CHD5: variants seen among roughly 807,000 people sequenced by gnomAD.
CHD5 encodes chromodomain helicase DNA binding protein 5, also known as ATP-dependent chromatin remodeler CHD5.
CHD5 carries 69 observed loss-of-function variants against 230.3 expected under a neutral mutation model. The observed-to-expected ratio is 0.30, with a 90% CI of 0.25 to 0.37. CHD5 has a LOEUF of 0.37. CHD5 is among the 10% of genes least tolerant of loss of function. The probability of loss-of-function intolerance (pLI) is 1.00; values close to 1 mark genes in which losing one functional copy is unlikely to be tolerated. For synonymous variants in CHD5, 1,064 were observed against 1,065.9 expected, an observed-to-expected ratio of 1.00 and a Z score of 0.03; for missense variants, 1,827 against 2,622.8, an observed-to-expected ratio of 0.70 and a Z score of 6.63.
chr1:6,139,635 C>G (rs184962039), intron 15 of CHD5, among the ~76,000 whole-genome samples: 52 of 151,974 alleles, frequency 3.4e-4, no homozygotes, highest in African/African-American at 1.3e-3. Context: ...ACTACAGCCT[C>G]GAACTCCTGG....
chr1:6,120,778 C>T (rs1168196798), intron 33 of CHD5, among the ~76,000 whole-genome samples: 2 of 152,152 alleles, frequency 1.3e-5, no homozygotes, highest in South Asian at 2.1e-4. Context: ...TGGTACACGC[C>T]TGTAGTCCCA....
At position 6,124,601 on chromosome 1, in the gene CHD5, G is replaced by C. The variant is rs759851675; in HGVS notation, c.4455C>G (p.Thr1485=). ...LCEPGADGAE[T]FADGVPREGL... is the part of the protein sequence containing the mutation. ...CCTCCCGGGGCACGCCGTCTGCGAA[G>C]GTCTCTGCACCATCCGCCCCCGGCT... Residue 1485 remains threonine, a synonymous_variant, in exon 30 of 42, where the codon ACC becomes ACG. Coordinates refer to ENST00000262450, the MANE Select transcript of CHD5 (RefSeq NM_015557.3). 15 of 1,607,184 alleles carry C rather than the reference G, an allele frequency of 9.3e-6. No individual in the cohort carries two copies. The highest frequency in any genetic ancestry group is 1.3e-5 in the Non-Finnish European group (15 of 1,177,510).
Position 6,103,594 on chromosome 1 carries a change from G to T in CHD5, c.*1880C>A, listed in dbSNP as rs1363722708. 1 of 152,336 alleles carries T rather than the reference G, an allele frequency of 6.6e-6. No homozygotes were observed. The highest frequency in any genetic ancestry group is 1.5e-5 in the Non-Finnish European group (1 of 68,120). 9.4% of individuals were successfully genotyped at this position (152,336 alleles called of 1,614,324 possible). A position where few individuals can be genotyped will look rare whatever the true frequency, so the allele number is the denominator to read the frequency against. On this transcript the variant is annotated 3_prime_UTR_variant, in exon 42 of 42. Transcript: ENST00000262450. ...GCACGGGAGTGAGCTTCTGACCCGA[G>T]CCAGGACCCTTTGCCAGGAGGCACC...
At position 6,152,601 on chromosome 1, in the gene CHD5, C is replaced by A. The variant is rs1260136029; in HGVS notation, c.746-65G>T. ...CTGACGGCCTGCTTCCTGCCATCAT[C>A]TCACTGAGCTCTCGGTTACCCAATA... is the stretch of plus-strand genomic sequence containing the variant. On this transcript the variant is annotated intron_variant, in intron 5 of 41. Transcript: ENST00000262450. 3.7e-6 allele frequency: 6 copies of A among 1,606,532 alleles called. No individual in the cohort carries two copies. In the African/African-American group the frequency reaches 8.0e-5, roughly 21 times the overall value.
intron 15 of CHD5, 52 bp from the exon 16 acceptor site, chr1:6,136,917 A>G: frequency 6.5e-7 from 1 of 1,545,136 alleles, no homozygotes; most frequent in African/African-American, 1.4e-5. Context: ...AGAGCGGATC[A>G]CAGTCCCAGG....
rs192526782 is a variant in CHD5, at chr1:6,175,683, T to C, written c.79+4262A>G. ...AGTGGATAAGAAGAACAAGAACAAA[T>C]GGATGGATGGATGGATGGATGGATG... On this transcript the variant is annotated intron_variant, in intron 1 of 41. Coordinates refer to ENST00000262450, the MANE Select transcript of CHD5 (RefSeq NM_015557.3). 1.2e-4 allele frequency among the ~76,000 whole-genome samples: 17 copies of C among 146,666 alleles called. No homozygotes were observed. The East Asian group carries it at 3.3e-3, about 28-fold the overall frequency.
In CHD5 at chr1:6,143,848, T is replaced by A. The variant is rs775863580; in HGVS notation, c.2018A>T (p.Lys673Met). ...GTCCACAATGGGCGTGTCCGGCGGC[T>A]TCTCCTGCTTGTCGTCCCTCAGCTT... ...GKKLRDDKQE[K>M]PPDTPIVDPT... Residue 673 changes from lysine (K) to methionine (M), a missense_variant, in exon 13 of 42, where the codon AAG becomes ATG. Physicochemically the swap from Lys to Met is moderately conservative, Grantham distance 95. Transcript: ENST00000262450. 8.9e-6 allele frequency: 14 copies of A among 1,576,432 alleles called. No individual in the cohort carries two copies. The highest frequency in any genetic ancestry group is 1.2e-5 in the Non-Finnish European group (14 of 1,159,840).
intron 3 of CHD5, among the ~76,000 whole-genome samples, chr1:6,156,501 A>G (rs1485802188): frequency 7.0e-6 from 1 of 142,730 alleles, no homozygotes; most frequent in Non-Finnish European, 1.5e-5. Context: ...GCGCCACTGC[A>G]CTCCAGCCTG....
At position 6,155,469 on chromosome 1, in the gene CHD5, G is replaced by A; in HGVS notation, c.506+130C>T. 1 of 721,242 alleles carries A rather than the reference G, an allele frequency of 1.4e-6. No homozygotes were observed. The highest frequency in any genetic ancestry group is 2.4e-6 in the Non-Finnish European group (1 of 415,910). The allele number at this position is 721,242 out of a possible 1,614,324, so 44.7% of individuals were successfully genotyped here. A position where few individuals can be genotyped will look rare whatever the true frequency, so the allele number is the denominator to read the frequency against. ...CTGCCCCCTCCCTCCAGCTCCCCCA[G>A]GTTGCTCAGTCGGTCTGACAGAGCC... On this transcript the variant is annotated intron_variant, in intron 4 of 41. Coordinates refer to ENST00000262450, the MANE Select transcript of CHD5 (RefSeq NM_015557.3). This position sits in a 1 kb window ranked among gnomAD's most constrained non-coding sequence, Gnocchi z 4.0.
chr1:6,134,296 C>T lies in CHD5; in HGVS notation c.3013-37G>A, dbSNP rs769995360. Reference sequence around the variant, plus strand: ...GCAGGAGGTGGGGCATTGGTGGGCTCCCCTCTCCTCTCTGACTCTGCACCA... The same window carrying T: ...GCAGGAGGTGGGGCATTGGTGGGCTTCCCTCTCCTCTCTGACTCTGCACCA... On this transcript the variant is annotated intron_variant, in intron 19 of 41. Transcript: ENST00000262450. The surrounding 1 kb of genome is among the most constrained non-coding windows in gnomAD (Gnocchi z 6.3). 1.2e-6 allele frequency: 2 copies of T among 1,605,590 alleles called. No homozygotes were observed. Among genetic ancestry groups the T allele is most frequent in the Admixed American group, 1.7e-5 (1 of 59,904 alleles).
chr1:6,105,419 C>A lies in CHD5; in HGVS notation c.*55G>T, dbSNP rs1017740632. ...CATGTGGGTCGGGCAGGTGGCCCGG[C>A]AGGCGTGGCTGCAAAACGCAAATCA... On this transcript the variant is annotated 3_prime_UTR_variant, in exon 42 of 42. Transcript: ENST00000262450. The surrounding 1 kb of genome is among the most constrained non-coding windows in gnomAD (Gnocchi z 4.8). The A allele has an allele frequency of 5.7e-5, 27 of 470,626 alleles. No homozygotes were observed. In the Middle Eastern group the frequency reaches 2.0e-3, roughly 34 times the overall value. 29.2% of individuals were successfully genotyped at this position (470,626 alleles called of 1,614,324 possible). A position where few individuals can be genotyped will look rare whatever the true frequency, so the allele number is the denominator to read the frequency against.
chr1:6,133,516 T>C (rs1482621288), intron 20 of CHD5, among the ~76,000 whole-genome samples: 1 of 152,248 alleles, frequency 6.6e-6, no homozygotes, highest in Non-Finnish European at 1.5e-5. Flanking sequence ...TTTAGCCCCA[T>C]GACCCTGTAG....
chr1:6,131,040 C>T lies in CHD5; in HGVS notation c.3262+591G>A, dbSNP rs541633056. 1.0e-3 allele frequency among the ~76,000 whole-genome samples: 155 copies of T among 152,332 alleles called. 1 individual carries two copies. The highest frequency in any genetic ancestry group is 3.9e-3 in the South Asian group (19 of 4,828). On this transcript the variant is annotated intron_variant, in intron 21 of 41. Coordinates refer to ENST00000262450, the MANE Select transcript of CHD5 (RefSeq NM_015557.3). This position sits in a 1 kb window ranked among gnomAD's most constrained non-coding sequence, Gnocchi z 5.0. ...CGTGGCCCCAGCCCCTAAGGGCTGACGCCCCAGGGAAACAAAGCTTGTTAC... is the reference window on the plus strand; with the variant it reads ...CGTGGCCCCAGCCCCTAAGGGCTGATGCCCCAGGGAAACAAAGCTTGTTAC...
chr1:6,123,930 C>A lies in CHD5; in HGVS notation c.4699+18G>T. ...TCCATGACCCCAGTGCCCTCCCCGG[C>A]CCGCCCAGCCCACAGACCTGGCAGG... On this transcript the variant is annotated intron_variant, in intron 31 of 41. Transcript: ENST00000262450. 2 of 1,435,424 alleles carry A rather than the reference C, an allele frequency of 1.4e-6. No individual in the cohort carries two copies. The highest frequency in any genetic ancestry group is 1.8e-6 in the Non-Finnish European group (2 of 1,096,134). The allele number at this position is 1,435,424 out of a possible 1,614,324, so 88.9% of individuals were successfully genotyped here.
rs1030349765 is a variant in CHD5 at position 6,131,371 on chromosome 1, G to A, written c.3262+260C>T. ...CACCACTTGTAACTGGGGCTCACCT[G>A]GCGTCAATATTAGAGGCCCCGTCTG... On this transcript the variant is annotated intron_variant, in intron 21 of 41. Transcript: ENST00000262450. This position sits in a 1 kb window ranked among gnomAD's most constrained non-coding sequence, Gnocchi z 5.0. Among the ~76,000 whole-genome samples the A allele has an allele frequency of 6.6e-6, 1 of 152,180 alleles. No individual in the cohort carries two copies. Among genetic ancestry groups the A allele is most frequent in the African/African-American group, 2.4e-5 (1 of 41,440 alleles).
intron 2 of CHD5, among the ~76,000 whole-genome samples, chr1:6,166,148 A>G (rs901864391): frequency 1.3e-5 from 2 of 151,594 alleles, no homozygotes; most frequent in Non-Finnish European, 2.9e-5. Flanking sequence ...AGAGAAGGCA[A>G]GCAGAATTGG....
At chr1:6,111,620 C>A (rs1557536560) in intron 36 of CHD5, among the ~76,000 whole-genome samples, 155 bp downstream of exon 36, 4 of 151,616 alleles carry the variant, frequency 2.6e-5, no homozygotes, top group Admixed American at 2.6e-4. Context: ...GGGGAGCGGG[C>A]GACACAGCAA....
At chr1:6,140,967 AAATAATAAT>A (rs60543576) in intron 15 of CHD5, among the ~76,000 whole-genome samples, 23 of 139,928 alleles carry the variant, frequency 1.6e-4, no homozygotes, top group Admixed American at 8.0e-4. Flanking sequence ...CCCTGTCTCA[AAATAATAAT>A]AATAATAATA....
In CHD5 at chr1:6,155,923, T is replaced by A. The variant is rs1667074119; in HGVS notation, c.388-206A>T. Among the ~76,000 whole-genome samples the A allele has an allele frequency of 6.6e-6, 1 of 152,112 alleles. No individual in the cohort carries two copies. Among genetic ancestry groups the A allele is most frequent in the Non-Finnish European group, 1.5e-5 (1 of 68,022 alleles). On this transcript the variant is annotated intron_variant, in intron 3 of 41. Transcript: ENST00000262450. This position sits in a 1 kb window ranked among gnomAD's most constrained non-coding sequence, Gnocchi z 4.0. ...CGCAGCCCCCAATCTGTGCCACGTC[T>A]CAGATGCCAGCCCACGAAGTGCAGG... is the stretch of plus-strand genomic sequence containing the variant.
Sources: gnomAD v4.1 joint callset for allele counts (sites outside exome capture counted in the v4.1 genomes callset) on GRCh38, gnomAD v4.1.1 for gene constraint, Gnocchi (gnomAD v3.1) non-coding constraint, MANE v1.5 for transcripts, NCBI Gene and HGNC (gene_info 2026-07-23, HGNC 2026-07-21) for gene names.